The following MYO16 variants were observed in gnomAD, a reference collection of about 807,000 sequenced individuals.
MYO16 encodes the protein myosin XVI.
MYO16 carries 94 observed loss-of-function variants against 205.3 expected under a neutral mutation model. The observed-to-expected ratio is 0.46, with a 90% CI of 0.39 to 0.54. The LOEUF (loss-of-function observed/expected upper bound fraction) is 0.54. Ranked by LOEUF, MYO16 falls within the 20% of genes least tolerant of loss-of-function variation. The probability of loss-of-function intolerance (pLI) is 0.00; values close to 1 mark genes in which losing one functional copy is unlikely to be tolerated. For missense variants in MYO16, 2,315 were observed against 2,387.5 expected, an observed-to-expected ratio of 0.97 and a Z score of 0.63; for synonymous variants, 988 against 954.0, an observed-to-expected ratio of 1.04 and a Z score of -0.66.
At chr13:108,526,204 A>G in the MYO16 span, among the ~76,000 whole-genome samples, 191 of 152,292 alleles carry the variant, frequency 1.3e-3, 1 homozygote, top group African/African-American at 4.5e-3. Flanking sequence ...ATCTGATGAA[A>G]AATTTAGACT....
intron 15 of MYO16, among the ~76,000 whole-genome samples, chr13:108,903,756 T>C (rs769692504): frequency 6.6e-6 from 1 of 152,156 alleles, no homozygotes; most frequent in East Asian, 1.9e-4. Context: ...AAAAACACAT[T>C]AACTTTAACT....
intron 23 of MYO16, among the ~76,000 whole-genome samples, chr13:109,042,441 C>A (rs1886912895): frequency 6.6e-6 from 1 of 152,146 alleles, no homozygotes; most frequent in Admixed American, 6.5e-5. Context: ...TTTCTCTTCA[C>A]AAAAATTTGC....
intron 12 of MYO16, among the ~76,000 whole-genome samples, chr13:108,878,960 T>C (rs568927248): frequency 5.9e-5 from 9 of 152,372 alleles, no homozygotes; most frequent in African/African-American, 2.2e-4. Context: ...GATCCATTTA[T>C]CTAGTCTTTG....
At chr13:108,646,674 G>A (rs2139391372) in intron 1 of MYO16, among the ~76,000 whole-genome samples, 1 of 152,242 alleles carries the variant, frequency 6.6e-6, no homozygotes, top group East Asian at 1.9e-4. Context: ...CTCTCCTTTA[G>A]ATATAGGTAT....
At chr13:108,540,740 G>C in the MYO16 span, among the ~76,000 whole-genome samples, 5 of 152,042 alleles carry the variant, frequency 3.3e-5, no homozygotes, top group African/African-American at 1.2e-4. Context: ...GTGCTGCAAA[G>C]AGCCCATTTC....
chr13:108,699,114 G>A (rs1278596272), intron 2 of MYO16, among the ~76,000 whole-genome samples: 1 of 147,424 alleles, frequency 6.8e-6, no homozygotes, highest in African/African-American at 2.4e-5. Flanking sequence ...ATATATATGT[G>A]TGTGTGTATA....
chr13:108,763,867 A>G (rs1885694179), intron 4 of MYO16, among the ~76,000 whole-genome samples: 1 of 151,696 alleles, frequency 6.6e-6, no homozygotes, highest in African/African-American at 2.4e-5. Context: ...AATCAGATTA[A>G]CCCATGGAAA....
At chr13:109,076,037 T>G (rs1888089924) in intron 27 of MYO16, among the ~76,000 whole-genome samples, 1 of 152,212 alleles carries the variant, frequency 6.6e-6, no homozygotes, top group Non-Finnish European at 1.5e-5. Flanking sequence ...TATTTCATCT[T>G]AAGTTGTGAA....
intron 32 of MYO16, among the ~76,000 whole-genome samples, chr13:109,146,000 A>G (rs1207463515): frequency 6.6e-6 from 1 of 152,248 alleles, no homozygotes; most frequent in Non-Finnish European, 1.5e-5. Context: ...CTTAGCTTAT[A>G]AGTTATAAAC....
chr13:108,974,420 CA>C (rs1884176924), intron 20 of MYO16, among the ~76,000 whole-genome samples: 1 of 152,032 alleles, frequency 6.6e-6, no homozygotes, highest in Admixed American at 6.6e-5. Context: ...CACATAAATA[CA>C]GTTTTCCATA....
intron 16 of MYO16, among the ~76,000 whole-genome samples, chr13:108,914,359 C>T (rs2139244471): frequency 6.6e-6 from 1 of 151,806 alleles, no homozygotes; most frequent in East Asian, 1.9e-4. Flanking sequence ...TAGAATAAAC[C>T]AGCCTACATG....
intron 16 of MYO16, among the ~76,000 whole-genome samples, chr13:108,919,249 G>GCT (rs1355098607): frequency 6.6e-6 from 1 of 152,248 alleles, no homozygotes; most frequent in African/African-American, 2.4e-5. Context: ...CATGGCCCTG[G>GCT]CTGGGCCCTT....
intron 21 of MYO16, among the ~76,000 whole-genome samples, chr13:109,005,231 T>C (rs1205012736): frequency 6.6e-6 from 1 of 152,222 alleles, no homozygotes; most frequent in Non-Finnish European, 1.5e-5. Flanking sequence ...TGGCAAGTTC[T>C]TCTTTAATTT....
the MYO16 span, among the ~76,000 whole-genome samples, chr13:108,518,946 A>G: frequency 6.6e-6 from 1 of 152,218 alleles, no homozygotes; most frequent in East Asian, 1.9e-4. Context: ...ATACATCTCT[A>G]TCATGCCAAA....
chr13:108,619,883 T>G (rs1348453935), intron 1 of MYO16, among the ~76,000 whole-genome samples: 2 of 152,022 alleles, frequency 1.3e-5, no homozygotes, highest in Non-Finnish European at 2.9e-5. Flanking sequence ...AGAAAAAATG[T>G]GACAGACAGA....
At chr13:108,597,859 C>T (rs1181111231) in intron 1 of MYO16, among the ~76,000 whole-genome samples, 1 of 152,070 alleles carries the variant, frequency 6.6e-6, no homozygotes, top group Non-Finnish European at 1.5e-5. Flanking sequence ...AGATGGAAAA[C>T]CAATTCATAT....
chr13:108,844,346 T>A lies in MYO16; in HGVS notation c.1101T>A (p.Ser367Arg), dbSNP rs768067917. The change falls in exon 10 of 35, where the codon AGT becomes AGA. Residue 367 changes from serine to arginine, a missense_variant. Transcript: ENST00000457511. Reference sequence around the variant, plus strand: ...GTATTGATTTTTTTTCCTGTAGCAGTCCCCTGGTGTTACCAATTGCCAAGC... The same window carrying A: ...GTATTGATTTTTTTTCCTGTAGCAGACCCCTGGTGTTACCAATTGCCAAGC... ...HDLPVLSSKL[S>R]PLVLPIAKQD... 1 of 1,604,738 alleles carries A rather than the reference T, an allele frequency of 6.2e-7. No individual in the cohort carries two copies. The highest frequency in any genetic ancestry group is 2.2e-5 in the East Asian group (1 of 44,754).
intron 1 of MYO16, among the ~76,000 whole-genome samples, chr13:108,653,797 G>A (rs1453217233): frequency 2.0e-5 from 3 of 150,414 alleles, no homozygotes; most frequent in African/African-American, 4.9e-5. Flanking sequence ...ATATATATAT[G>A]TGTGTATATA....
chr13:109,098,716 A>G (rs1325004306), intron 27 of MYO16, among the ~76,000 whole-genome samples: 1 of 151,866 alleles, frequency 6.6e-6, no homozygotes, highest in Non-Finnish European at 1.5e-5. Flanking sequence ...CAGTGACATG[A>G]CCTCTTTTTT....
Sources: gnomAD v4.1 joint callset for allele counts (sites outside exome capture counted in the v4.1 genomes callset) on GRCh38, gnomAD v4.1.1 for gene constraint, MANE v1.5 for transcripts, NCBI Gene and HGNC (gene_info 2026-07-23, HGNC 2026-07-21) for gene names.